Variants in NTNG1 observed in about 807,000 individuals in gnomAD.
NTNG1 encodes netrin G1.
A neutral mutation model predicts 54.0 loss-of-function variants in NTNG1; 16 were observed. The ratio of observed to expected loss-of-function variants is 0.30; its 90% confidence interval spans 0.20 to 0.45. The LOEUF (loss-of-function observed/expected upper bound fraction) is 0.45. NTNG1 is among the 20% of genes least tolerant of loss of function. NTNG1 has a pLI of 1.00. For missense variants in NTNG1, 530 were observed against 678.7 expected (o/e 0.78, Z 2.43); for synonymous variants, 255 against 263.1 (o/e 0.97, Z 0.30).
rs181918216 is a variant in NTNG1, at chr1:107,403,216, G to T, written c.1061-4466G>T. Among the ~76,000 whole-genome samples the T allele has an allele frequency of 3.4e-3, 523 of 152,256 alleles. 5 individuals are homozygous for T. Among genetic ancestry groups the T allele is most frequent in the African/African-American group, 0.012 (499 of 41,548 alleles). ...AATATCTTTAAAACAAACGTAAGTG[G>T]GAGAAGGAAGGGCTGATTGAGGAAA... On this transcript the variant is annotated intron_variant, in intron 4 of 7. Transcript: ENST00000370068.
chr1:107,328,968 T>A (rs1471671157), intron 3 of NTNG1: 1 of 152,160 alleles, frequency 6.6e-6, no homozygotes, highest in Non-Finnish European at 1.5e-5. Context: ...CCCATCAACA[T>A]CTTCAGTATT....
chr1:107,301,796 T>C (rs1013480719), intron 2 of NTNG1, among the ~76,000 whole-genome samples: 1 of 152,162 alleles, frequency 6.6e-6, no homozygotes, highest in Non-Finnish European at 1.5e-5. Flanking sequence ...TCAAGTAAGT[T>C]TGGGAAATAT....
chr1:107,244,691 T>C (rs1269380214), intron 2 of NTNG1, among the ~76,000 whole-genome samples: 1 of 152,240 alleles, frequency 6.6e-6, no homozygotes, highest in Non-Finnish European at 1.5e-5. Flanking sequence ...CAAGGTGTTC[T>C]CTCCCTTCTT....
At chr1:107,251,212 T>A (rs1290268317) in intron 2 of NTNG1, among the ~76,000 whole-genome samples, 1 of 152,208 alleles carries the variant, frequency 6.6e-6, no homozygotes, top group East Asian at 1.9e-4. Context: ...CTTACTAAAA[T>A]CTTGCTCATA....
chr1:107,391,118 C>T (rs181618809), intron 3 of NTNG1, among the ~76,000 whole-genome samples: 1 of 152,264 alleles, frequency 6.6e-6, no homozygotes, highest in Non-Finnish European at 1.5e-5. Flanking sequence ...GCAGAAGAAA[C>T]AGCTTATAAG....
At chr1:107,249,048 T>G (rs1457208076) in intron 2 of NTNG1, among the ~76,000 whole-genome samples, 2 of 150,454 alleles carry the variant, frequency 1.3e-5, no homozygotes, top group East Asian at 3.9e-4. Context: ...AATCTCAGCT[T>G]CTTGGGAGGC....
intron 5 of NTNG1, among the ~76,000 whole-genome samples, chr1:107,416,628 A>G (rs1469078007): frequency 1.3e-5 from 2 of 152,104 alleles, no homozygotes; most frequent in African/African-American, 4.8e-5. Context: ...TTAAAATATT[A>G]GTATATAAAA....
intron 1 of NTNG1, chr1:107,143,477 TA>T (rs1428956064): frequency 1.3e-5 from 2 of 152,082 alleles, no homozygotes; most frequent in African/African-American, 4.8e-5. Flanking sequence ...CTAAGTGTCA[TA>T]AAAATTTGGA....
chr1:107,465,980 A>G (rs1677581362), intron 7 of NTNG1, among the ~76,000 whole-genome samples: 1 of 152,160 alleles, frequency 6.6e-6, no homozygotes, highest in Non-Finnish European at 1.5e-5. Flanking sequence ...ATGTAAGTTT[A>G]AGACAGTAAG....
chr1:107,319,006 C>A (rs746971933), intron 2 of NTNG1, among the ~76,000 whole-genome samples: 5 of 152,112 alleles, frequency 3.3e-5, no homozygotes, highest in African/African-American at 4.8e-5. Context: ...TGGTGCTGAT[C>A]TTTATCTTTC....
At chr1:107,289,806 C>A (rs1272439764) in intron 2 of NTNG1, among the ~76,000 whole-genome samples, 1 of 152,078 alleles carries the variant, frequency 6.6e-6, no homozygotes, top group Non-Finnish European at 1.5e-5. Context: ...TTAATACATT[C>A]CCTAGCACAT....
intron 7 of NTNG1, among the ~76,000 whole-genome samples, chr1:107,475,121 G>A (rs1678230271): frequency 6.6e-6 from 1 of 152,206 alleles, no homozygotes; most frequent in African/African-American, 2.4e-5. Context: ...CCTAGTCAAA[G>A]TGTGATATGA....
At chr1:107,238,270 A>G (rs1027666518) in intron 2 of NTNG1, among the ~76,000 whole-genome samples, 16 of 152,044 alleles carry the variant, frequency 1.1e-4, no homozygotes, top group African/African-American at 3.9e-4. Flanking sequence ...GTTTTGGCCA[A>G]TTTCCCCTAT....
At chr1:107,188,847 A>G (rs1046658766) in intron 2 of NTNG1, among the ~76,000 whole-genome samples, 7 of 152,082 alleles carry the variant, frequency 4.6e-5, no homozygotes, top group Admixed American at 2.0e-4. Flanking sequence ...ATTGATTACA[A>G]ATGTAGGGAT....
At chr1:107,308,092 T>C (rs563932632) in intron 2 of NTNG1, among the ~76,000 whole-genome samples, 2 of 152,268 alleles carry the variant, frequency 1.3e-5, no homozygotes, top group African/African-American at 4.8e-5. Flanking sequence ...TTTGCAAATA[T>C]TCTCTCCCAT....
intron 5 of NTNG1, among the ~76,000 whole-genome samples, chr1:107,412,100 A>G (rs1263778509): frequency 6.8e-5 from 2 of 29,332 alleles, no homozygotes; most frequent in East Asian, 5.3e-4. Flanking sequence ...ATGTCAAGCC[A>G]CTTTTTTTTT....
At position 107,475,744 on chromosome 1, in the gene NTNG1, TTTACA is replaced by T. The variant is rs145844042; in HGVS notation, c.1391-4863_1391-4859del. Among the ~76,000 whole-genome samples the T allele has an allele frequency of 6.7e-4, 102 of 152,332 alleles. 1 individual carries two copies. Among genetic ancestry groups the T allele is most frequent in the African/African-American group, 2.4e-3 (100 of 41,574 alleles). ...TGACCCAGGCCTTATCGTTTTATCT[TTTACA>T]TTAATTGAGAAGTAATTCTTTGTTG... is the stretch of plus-strand genomic sequence containing the variant. On this transcript the variant is annotated intron_variant, in intron 7 of 7. Transcript: ENST00000370068.
chr1:107,294,812 T>C (rs1665844485), intron 2 of NTNG1, among the ~76,000 whole-genome samples: 1 of 152,164 alleles, frequency 6.6e-6, no homozygotes, highest in South Asian at 2.1e-4. Flanking sequence ...CTATCATCTA[T>C]CTGCCATCTT....
chr1:107,189,172 G>A lies in NTNG1; in HGVS notation c.246+40333G>A, dbSNP rs1015412755. The stretch of plus-strand genomic sequence containing the variant: ...TTCAAGACTAGCCTGGCCACGTGGC[G>A]AAACTCCTTCTCTACCAAAAATACA... On this transcript the variant is annotated intron_variant, in intron 2 of 7. Transcript: ENST00000370068. Among the ~76,000 whole-genome samples, 2 of 151,902 alleles carry A rather than the reference G, an allele frequency of 1.3e-5. 1 individual carries two copies. The highest frequency in any genetic ancestry group is 4.2e-4 in the South Asian group (2 of 4,806).
Sources: gnomAD v4.1 joint callset for allele counts (sites outside exome capture counted in the v4.1 genomes callset) on GRCh38, gnomAD v4.1.1 for gene constraint, MANE v1.5 for transcripts, NCBI Gene and HGNC (gene_info 2026-07-23, HGNC 2026-07-21) for gene names.